TATDN1: variants seen among roughly 807,000 people sequenced by gnomAD.
TATDN1 encodes deoxyribonuclease TATDN1.
Under a neutral mutation model 46.4 loss-of-function variants are expected in TATDN1, and 40 were observed. That is an observed-to-expected ratio of 0.86 (90% confidence interval 0.67 to 1.12). The LOEUF (loss-of-function observed/expected upper bound fraction) is 1.12, where lower values mean the gene tolerates loss of function less well. TATDN1 is among the 50% of genes most tolerant of loss of function. The pLI, the probability that TATDN1 is intolerant of heterozygous loss-of-function variation, is 0.00. For missense variants in TATDN1, 326 were observed against 348.4 expected (o/e 0.94, Z 0.51); for synonymous variants, 95 against 105.6 (o/e 0.90, Z 0.62).
At chr8:124,528,164 T>C (rs1292259293) in intron 1 of TATDN1, among the ~76,000 whole-genome samples, 2 of 152,162 alleles carry the variant, frequency 1.3e-5, no homozygotes, top group East Asian at 3.9e-4. Context: ...GTTTGGATAG[T>C]CTTTCTCTAA....
At chr8:124,489,399 CTTTCTTTTTTT>C (rs1339229523) in intron 11 of TATDN1, 2 of 115,430 alleles carry the variant, frequency 1.7e-5, no homozygotes, top group African/African-American at 3.3e-5. Context: ...TTTTTCTTTC[CTTTCTTTTTTT>C]TTTCTTTTTT....
chr8:124,522,833 G>A, intron 2 of TATDN1, 104 bp downstream of exon 2: 1 of 975,904 alleles, frequency 1.0e-6, no homozygotes, highest in Non-Finnish European at 1.7e-6. Flanking sequence ...GAGATTACAG[G>A]TGTGAGCCAC....
At chr8:124,520,024 T>C (rs1343724907) in intron 3 of TATDN1, among the ~76,000 whole-genome samples, 1 of 152,234 alleles carries the variant, frequency 6.6e-6, no homozygotes, top group African/African-American at 2.4e-5. Context: ...AAAACGAAGG[T>C]AGAATTGCAA....
At chr8:124,501,242 C>T (rs1817938069) in intron 9 of TATDN1, among the ~76,000 whole-genome samples, 1 of 152,140 alleles carries the variant, frequency 6.6e-6, no homozygotes, top group Non-Finnish European at 1.5e-5. Context: ...CCCTTCCCTC[C>T]ACTGTTCCCC....
intron 1 of TATDN1, among the ~76,000 whole-genome samples, chr8:124,534,310 C>T (rs952033717): frequency 6.6e-6 from 1 of 152,092 alleles, no homozygotes; most frequent in Non-Finnish European, 1.5e-5. Context: ...TTTTGTGACA[C>T]ATCAAAATTA....
At chr8:124,518,130 T>C (rs1194322522) in intron 4 of TATDN1, among the ~76,000 whole-genome samples, 1 of 136,826 alleles carries the variant, frequency 7.3e-6, no homozygotes, top group Non-Finnish European at 1.5e-5. Flanking sequence ...GAGAATGGCA[T>C]GAACCAGGGA....
At chr8:124,511,797 G>A (rs1819042418) in intron 6 of TATDN1, among the ~76,000 whole-genome samples, 1 of 152,044 alleles carries the variant, frequency 6.6e-6, no homozygotes, top group Admixed American at 6.6e-5. Flanking sequence ...CTAGTATGAG[G>A]AATGTAACAA....
chr8:124,538,691 G>A (rs2131593824), intron 1 of TATDN1, among the ~76,000 whole-genome samples: 1 of 152,306 alleles, frequency 6.6e-6, no homozygotes, highest in East Asian at 1.9e-4. Flanking sequence ...AGGGCCGGGA[G>A]GTGCACGTGG....
intron 6 of TATDN1, among the ~76,000 whole-genome samples, chr8:124,511,450 C>T (rs1190412863): frequency 1.3e-5 from 2 of 152,126 alleles, no homozygotes; most frequent in Non-Finnish European, 2.9e-5. Context: ...GTTTTTAAGA[C>T]CTGCACAGTG....
rs1818710739 is a variant in TATDN1 at position 124,508,533 on chromosome 8, G to T, written c.476-19C>A. On this transcript the variant is annotated intron_variant, in intron 7 of 11. Coordinates refer to ENST00000276692, the MANE Select transcript of TATDN1 (RefSeq NM_032026.4). ...ATTATGTCTGTGAATTAAAAACAAAGAACTTTTAGCAAATAGCTTGATTTC... is the reference window on the plus strand; with the variant it reads ...ATTATGTCTGTGAATTAAAAACAAATAACTTTTAGCAAATAGCTTGATTTC... 3 of 1,612,322 alleles carry T rather than the reference G, an allele frequency of 1.9e-6. No individual in the cohort carries two copies. The highest frequency in any genetic ancestry group is 1.3e-5 in the African/African-American group (1 of 74,848).
At chr8:124,519,776 C>T (rs543375262) in intron 3 of TATDN1, among the ~76,000 whole-genome samples, 1 of 152,162 alleles carries the variant, frequency 6.6e-6, no homozygotes, top group Non-Finnish European at 1.5e-5. Context: ...AAGCATACTT[C>T]TGCATAGACC....
chr8:124,531,882 G>T (rs1056107559), intron 1 of TATDN1, among the ~76,000 whole-genome samples: 2 of 152,230 alleles, frequency 1.3e-5, no homozygotes, highest in African/African-American at 4.8e-5. Flanking sequence ...GTTAGATTAT[G>T]TATGAAGGTT....
intron 1 of TATDN1, among the ~76,000 whole-genome samples, chr8:124,528,899 T>C (rs902876698): frequency 3.3e-5 from 5 of 152,194 alleles, no homozygotes; most frequent in African/African-American, 1.2e-4. Context: ...CTTCAAGTAT[T>C]CTGTTTTATC....
intron 1 of TATDN1, among the ~76,000 whole-genome samples, chr8:124,535,834 A>G (rs1821384858): frequency 6.6e-6 from 1 of 152,198 alleles, no homozygotes; most frequent in Admixed American, 6.5e-5. Context: ...GTAAGCTTCC[A>G]ATCCTGGTGG....
intron 1 of TATDN1, among the ~76,000 whole-genome samples, chr8:124,527,761 T>G (rs1040804464): frequency 6.6e-6 from 1 of 151,784 alleles, no homozygotes; most frequent in African/African-American, 2.4e-5. Flanking sequence ...AATCTTTATT[T>G]TGTCCCATGT....
At chr8:124,515,701 A>C in intron 6 of TATDN1, 45 bp downstream of exon 6, 1 of 1,556,498 alleles carries the variant, frequency 6.4e-7, no homozygotes, top group African/African-American at 1.4e-5. Flanking sequence ...TTTAAAAATC[A>C]CTCATGATTT....
intron 11 of TATDN1, chr8:124,489,060 G>T: frequency 3.9e-6 from 1 of 255,288 alleles, no homozygotes; most frequent in Non-Finnish European, 7.5e-6. Context: ...ACATTGACAA[G>T]TACATTGTAC....
intron 9 of TATDN1, among the ~76,000 whole-genome samples, chr8:124,498,630 T>G (rs991404655): frequency 6.6e-6 from 1 of 152,110 alleles, no homozygotes; most frequent in African/African-American, 2.4e-5. Context: ...AATCTAAGCT[T>G]TCTCTTTCAG....
chr8:124,509,474 G>A (rs1479908737), intron 6 of TATDN1, among the ~76,000 whole-genome samples: 1 of 152,158 alleles, frequency 6.6e-6, no homozygotes, highest in Non-Finnish European at 1.5e-5. Context: ...TGTTCATTCT[G>A]TTTGTCTTTT....
Sources: gnomAD v4.1 joint callset for allele counts (sites outside exome capture counted in the v4.1 genomes callset) on GRCh38, gnomAD v4.1.1 for gene constraint, MANE v1.5 for transcripts, NCBI Gene and HGNC (gene_info 2026-07-23, HGNC 2026-07-21) for gene names.